Variants in BID observed in about 807,000 individuals in gnomAD.
BID encodes BH3-interacting domain death agonist.
In BID, 19 loss-of-function variants were observed where a neutral mutation model predicts 17.4. That is an observed-to-expected ratio of 1.09 (90% CI 0.76 to 1.60). The LOEUF (loss-of-function observed/expected upper bound fraction) is 1.60. Ranked by LOEUF, BID falls within the 40% of genes most tolerant of loss-of-function variation. The probability of loss-of-function intolerance (pLI) is 0.00; values close to 1 mark genes in which losing one functional copy is unlikely to be tolerated. For missense variants in BID, 226 were observed against 256.0 expected (o/e 0.88, Z 0.80); for synonymous variants, 108 against 102.8 (o/e 1.05, Z -0.31).
At chr22:17,736,923 C>T (rs1242915468) in intron 5 of BID, among the ~76,000 whole-genome samples, 2 of 152,068 alleles carry the variant, frequency 1.3e-5, no homozygotes, top group Non-Finnish European at 2.9e-5. Context: ...CCTGCCTTAG[C>T]CTCCTGAGTA....
At chr22:17,758,048 A>C (rs940642586) in intron 1 of BID, among the ~76,000 whole-genome samples, 3 of 152,208 alleles carry the variant, frequency 2.0e-5, no homozygotes, top group Non-Finnish European at 4.4e-5. Context: ...TGCTAGTGAC[A>C]GCACCCGGCT....
At chr22:17,756,739 C>T (rs1398192085) in intron 1 of BID, among the ~76,000 whole-genome samples, 2 of 151,908 alleles carry the variant, frequency 1.3e-5, no homozygotes, top group Non-Finnish European at 2.9e-5. Context: ...TCATGCCCAG[C>T]TAATTTTTGT....
intron 1 of BID, among the ~76,000 whole-genome samples, chr22:17,770,466 T>C (rs1471451771): frequency 1.3e-5 from 2 of 152,070 alleles, no homozygotes; most frequent in Non-Finnish European, 2.9e-5. Context: ...ACACCGCCCA[T>C]CCCGGACCCA....
rs5992822 is a variant in BID at position 17,769,507 on chromosome 22, A to C, written c.-59+4874T>G. Among the ~76,000 whole-genome samples, 5,785 of 152,332 alleles carry C rather than the reference A, an allele frequency of 0.038. 131 individuals carry two copies. The highest frequency in any genetic ancestry group is 0.058 in the African/African-American group (2,395 of 41,586). On this transcript the variant is annotated intron_variant, in intron 1 of 5. Transcript: ENST00000622694. This position sits in a 1 kb window ranked among gnomAD's most constrained non-coding sequence, Gnocchi z 4.8. ...TGGGTAAACAGGAACGGACGTGGCC[A>C]TCAGGCCGGAAGGGTGTGTGGGCCA...
chr22:17,747,803 C>T (rs913777683), intron 2 of BID, among the ~76,000 whole-genome samples: 3 of 151,916 alleles, frequency 2.0e-5, no homozygotes, highest in East Asian at 1.9e-4. Context: ...GCTGGCCGGG[C>T]GCGGTGGCTC....
chr22:17,738,541 G>A (rs549132243), intron 4 of BID, among the ~76,000 whole-genome samples: 61 of 152,308 alleles, frequency 4.0e-4, no homozygotes, highest in African/African-American at 1.4e-3. Context: ...GTGACCACCT[G>A]CGACGCCTTA....
At chr22:17,767,691 A>C (rs569208118) in intron 1 of BID, among the ~76,000 whole-genome samples, 1 of 152,352 alleles carries the variant, frequency 6.6e-6, no homozygotes, top group South Asian at 2.1e-4. Context: ...TGATGCCACC[A>C]AGCCATGGGT....
intron 1 of BID, among the ~76,000 whole-genome samples, chr22:17,756,497 TCTCTC>T: frequency 4.1e-5 from 6 of 145,486 alleles, no homozygotes; most frequent in Middle Eastern, 3.4e-3. Flanking sequence ...TCTTTCTTTC[TCTCTC>T]TCTTTCTGTC....
Position 17,738,233 on chromosome 22 carries a change from C to T in BID, c.364-4G>A. 1.2e-6 allele frequency: 2 copies of T among 1,607,996 alleles called. No homozygotes were observed. Among genetic ancestry groups the T allele is most frequent in the South Asian group, 1.1e-5 (1 of 90,994 alleles). On this transcript the variant is annotated splice_polypyrimidine_tract_variant and splice_region_variant and intron_variant, in intron 4 of 5. Transcript: ENST00000622694. ...TGGCCAGGTCCCTGTTCCGGTCCTG[C>T]ACAGAGGGGCACACAGAACCTGGTT... is the stretch of plus-strand genomic sequence containing the variant.
Position 17,743,908 on chromosome 22 carries a change from G to A in BID, c.118C>T (p.Leu40=). 6.2e-7 allele frequency: 1 copy of A among 1,613,796 alleles called. No individual in the cohort carries two copies. The highest frequency in any genetic ancestry group is 8.5e-7 in the Non-Finnish European group (1 of 1,180,022). The change falls in exon 3 of 6, where the codon CTG becomes TTG. Residue 40 remains leucine (L), a synonymous_variant. Transcript: ENST00000622694. ...GCCAGCACTGGCAGCTCGTGGCCCA[G>A]TGCGTCCAGCTCTCTGCGGAAGCTG... ...DNSFRRELDA[L]GHELPVLAPQ...
At chr22:17,738,545 C>T (rs918322211) in intron 4 of BID, among the ~76,000 whole-genome samples, 1 of 152,136 alleles carries the variant, frequency 6.6e-6, no homozygotes, top group East Asian at 1.9e-4. Context: ...CCACCTGCGA[C>T]GCCTTAGGCC....
chr22:17,744,961 ATTTATTTCTATTCTCTAAGTCCATAATAT>A (rs1305040029), intron 2 of BID, among the ~76,000 whole-genome samples: 1 of 152,222 alleles, frequency 6.6e-6, no homozygotes, highest in African/African-American at 2.4e-5. Context: ...GTAGGCAGAA[ATTTATTTCTATTCTCTAAGTCCATAATAT>A]TTTTCATTAG....
At chr22:17,764,534 C>T (rs1289573451) in intron 1 of BID, among the ~76,000 whole-genome samples, 1 of 152,234 alleles carries the variant, frequency 6.6e-6, no homozygotes, top group African/African-American at 2.4e-5. Context: ...ATGCTGAATA[C>T]AGTGAATCGG....
intron 1 of BID, among the ~76,000 whole-genome samples, chr22:17,770,738 G>C (rs755418306): frequency 2.2e-4 from 34 of 152,368 alleles, no homozygotes; most frequent in Non-Finnish European, 3.7e-4. Flanking sequence ...ACCAGGCCAC[G>C]GCACACTTTC....
chr22:17,748,432 C>T (rs150921207), intron 2 of BID, among the ~76,000 whole-genome samples: 4,388 of 141,728 alleles, frequency 0.031, 98 homozygotes, highest in African/African-American at 0.073. Context: ...GGCCTGAACC[C>T]GGGAGGCGGA....
In BID at chr22:17,769,314, C is replaced by T. The variant is rs892497871; in HGVS notation, c.-59+5067G>A. On this transcript the variant is annotated intron_variant, in intron 1 of 5. Coordinates refer to ENST00000622694, the MANE Select transcript of BID (RefSeq NM_001196.4). The surrounding 1 kb of genome is among the most constrained non-coding windows in gnomAD (Gnocchi z 4.8). ...GTGACCCTTCCACAAAGGCCCCTAG[C>T]TGGGCTCCCTGCTCAGTTGGCCGGG... Among the ~76,000 whole-genome samples the T allele has an allele frequency of 1.3e-5, 2 of 152,258 alleles. No individual in the cohort carries two copies. Among genetic ancestry groups the T allele is most frequent in the Non-Finnish European group, 2.9e-5 (2 of 68,044 alleles).
At chr22:17,752,146 C>T (rs1188708781) in intron 1 of BID, among the ~76,000 whole-genome samples, 1 of 152,250 alleles carries the variant, frequency 6.6e-6, no homozygotes. Context: ...CTCAGATACA[C>T]GCCCATGTCA....
At chr22:17,745,145 G>A (rs2061487076) in intron 2 of BID, among the ~76,000 whole-genome samples, 1 of 152,042 alleles carries the variant, frequency 6.6e-6, no homozygotes, top group Non-Finnish European at 1.5e-5. Flanking sequence ...CCGCTTCCTG[G>A]GTTCAAATGA....
chr22:17,765,911 C>T (rs976738146), intron 1 of BID, among the ~76,000 whole-genome samples: 1 of 152,144 alleles, frequency 6.6e-6, no homozygotes, highest in African/African-American at 2.4e-5. Context: ...ACATCAATTA[C>T]GTGAACTTAG....
Sources: allele counts gnomAD v4.1 joint callset (sites outside exome capture counted in the v4.1 genomes callset), GRCh38; gene constraint gnomAD v4.1.1; non-coding constraint Gnocchi (gnomAD v3.1); transcripts MANE v1.5; gene names NCBI Gene and HGNC (gene_info 2026-07-23, HGNC 2026-07-21).